The following CAMTA1 variants were observed in gnomAD, a reference collection of about 807,000 sequenced individuals.
CAMTA1 encodes calmodulin-binding transcription activator 1.
CAMTA1 carries 27 observed loss-of-function variants against 170.9 expected under a neutral mutation model. The observed-to-expected ratio is 0.16, with a 90% confidence interval of 0.12 to 0.22. CAMTA1 has a LOEUF of 0.22. Ranked by LOEUF, CAMTA1 falls within the 10% of genes least tolerant of loss-of-function variation. The pLI is 1.00. For missense variants in CAMTA1, 1,619 were observed against 2,217.2 expected, an observed-to-expected ratio of 0.73 and a Z score of 5.42; for synonymous variants, 833 against 891.5, an observed-to-expected ratio of 0.93 and a Z score of 1.17.
At chr1:7,227,589 A>C (rs140181741) in intron 4 of CAMTA1, among the ~76,000 whole-genome samples, 2 of 152,056 alleles carry the variant, frequency 1.3e-5, no homozygotes, top group Admixed American at 6.6e-5. Context: ...TCAGCCTCCC[A>C]AATTGCTGGG....
At chr1:7,124,796 AT>A (rs749335871) in intron 4 of CAMTA1, among the ~76,000 whole-genome samples, 3 of 152,214 alleles carry the variant, frequency 2.0e-5, no homozygotes, top group Non-Finnish European at 2.9e-5. Flanking sequence ...AGCTGAGAAG[AT>A]TTAACGTCGC....
intron 4 of CAMTA1, among the ~76,000 whole-genome samples, chr1:7,204,468 TC>T (rs1041654827): frequency 6.6e-6 from 1 of 152,194 alleles, no homozygotes; most frequent in Non-Finnish European, 1.5e-5. Flanking sequence ...TGTGAGTTTC[TC>T]CCATTGTTTT....
intron 6 of CAMTA1, among the ~76,000 whole-genome samples, chr1:7,594,627 G>A (rs1382321748): frequency 2.0e-5 from 3 of 152,208 alleles, no homozygotes; most frequent in Non-Finnish European, 4.4e-5. Context: ...ACAAGAGAGG[G>A]TGGTGACTGC....
At chr1:7,241,005 T>G (rs1279880218) in intron 4 of CAMTA1, among the ~76,000 whole-genome samples, 1 of 152,110 alleles carries the variant, frequency 6.6e-6, no homozygotes, top group Admixed American at 6.5e-5. Context: ...AAGAAGAAAG[T>G]GGAGTCACAG....
chr1:7,649,552 G>C (rs964273414), intron 7 of CAMTA1, among the ~76,000 whole-genome samples: 1 of 151,222 alleles, frequency 6.6e-6, no homozygotes, highest in African/African-American at 2.4e-5. Flanking sequence ...TGGGCACGGA[G>C]AGGCTGACTT....
In CAMTA1 at chr1:7,333,112, C is replaced by CTTTA. The variant is rs2083134915; in HGVS notation, c.438+83487_438+83490dup. Among the ~76,000 whole-genome samples the CTTTA allele has an allele frequency of 6.6e-6, 1 of 152,212 alleles. No individual in the cohort carries two copies. The highest frequency in any genetic ancestry group is 2.4e-5 in the African/African-American group (1 of 41,456). On this transcript the variant is annotated intron_variant, in intron 5 of 22. Transcript: ENST00000303635. The surrounding 1 kb of genome is among the most constrained non-coding windows in gnomAD (Gnocchi z 4.4). Reference sequence around the variant, plus strand: ...CAGCGGGCATGAGCAACAGAATCCTCTTTAGTCCTAGTGGCAGGTCACCCA... The same window carrying CTTTA: ...CAGCGGGCATGAGCAACAGAATCCTCTTTATTTAGTCCTAGTGGCAGGTCACCCA...
At chr1:6,969,342 G>A (rs113841637) in intron 3 of CAMTA1, among the ~76,000 whole-genome samples, 1,784 of 152,296 alleles carry the variant, frequency 0.012, 23 homozygotes, top group South Asian at 0.036. Context: ...GCTAGAAGGG[G>A]CAAGGAACGC....
At chr1:7,669,700 G>A (rs1334902888) in intron 9 of CAMTA1, among the ~76,000 whole-genome samples, 1 of 152,238 alleles carries the variant, frequency 6.6e-6, no homozygotes, top group Non-Finnish European at 1.5e-5. Flanking sequence ...TGCAGGGAAA[G>A]GTGTTTACTG....
At position 7,245,470 on chromosome 1, in the gene CAMTA1, G is replaced by T. The variant is rs190752049; in HGVS notation, c.303-4021G>T. Among the ~76,000 whole-genome samples the T allele has an allele frequency of 4.0e-3, 600 of 151,556 alleles. 1 individual carries two copies. The highest frequency in any genetic ancestry group is 0.014 in the African/African-American group (583 of 41,276). On this transcript the variant is annotated intron_variant, in intron 4 of 22. Coordinates refer to ENST00000303635, the MANE Select transcript of CAMTA1 (RefSeq NM_015215.4). ...TAGCTTATAGATATTATATATATAC[G>T]ATATCTTTCTTGGCTAGATAATTAA...
At chr1:7,124,408 G>A (rs948975428) in intron 4 of CAMTA1, among the ~76,000 whole-genome samples, 2 of 152,200 alleles carry the variant, frequency 1.3e-5, no homozygotes, top group Admixed American at 6.5e-5. Context: ...TGGATCAAAT[G>A]TTACCTCCTT....
chr1:7,130,766 CTGTT>C (rs1645202177), intron 4 of CAMTA1, among the ~76,000 whole-genome samples: 1 of 152,186 alleles, frequency 6.6e-6, no homozygotes, highest in Non-Finnish European at 1.5e-5. Flanking sequence ...ATCTCTCCAA[CTGTT>C]TGTCTGTTTG....
intron 5 of CAMTA1, among the ~76,000 whole-genome samples, chr1:7,396,876 G>A (rs1047387756): frequency 6.6e-6 from 1 of 152,166 alleles, no homozygotes; most frequent in African/African-American, 2.4e-5. Flanking sequence ...TCTCTTTAAT[G>A]TACTGTTGAA....
chr1:7,690,601 A>G (rs2096299838), intron 11 of CAMTA1, among the ~76,000 whole-genome samples: 1 of 152,102 alleles, frequency 6.6e-6, no homozygotes, highest in Non-Finnish European at 1.5e-5. Flanking sequence ...TCTTTCAGCA[A>G]AACACCTTCT....
At chr1:7,009,897 T>G (rs1478236713) in intron 3 of CAMTA1, among the ~76,000 whole-genome samples, 1 of 152,206 alleles carries the variant, frequency 6.6e-6, no homozygotes, top group Non-Finnish European at 1.5e-5. Flanking sequence ...GCTTGGGCTC[T>G]AGCTTGGTCC....
chr1:7,061,404 G>A (rs1200181093), intron 3 of CAMTA1, among the ~76,000 whole-genome samples: 1 of 152,240 alleles, frequency 6.6e-6, no homozygotes, highest in African/African-American at 2.4e-5. Flanking sequence ...TGTCACCCGA[G>A]CTTCCAGTGC....
chr1:6,892,685 T>C (rs1203745579), intron 3 of CAMTA1, among the ~76,000 whole-genome samples: 1 of 151,708 alleles, frequency 6.6e-6, no homozygotes, highest in African/African-American at 2.4e-5. Context: ...AATCAAATTT[T>C]GTCCTCTTTT....
intron 5 of CAMTA1, among the ~76,000 whole-genome samples, chr1:7,444,788 T>TC (rs1307362136): frequency 3.9e-5 from 6 of 152,170 alleles, no homozygotes; most frequent in Non-Finnish European, 5.9e-5. Context: ...AATGGGGGTT[T>TC]CCCCCAACCC....
chr1:7,724,020 T>C (rs369346996), intron 11 of CAMTA1, among the ~76,000 whole-genome samples: 1 of 152,182 alleles, frequency 6.6e-6, no homozygotes, highest in African/African-American at 2.4e-5. Context: ...GGTTTCACCA[T>C]GTTGGCCAGG....
intron 3 of CAMTA1, among the ~76,000 whole-genome samples, chr1:7,034,834 C>G (rs1370398942): frequency 6.6e-6 from 1 of 152,168 alleles, no homozygotes; most frequent in East Asian, 1.9e-4. Flanking sequence ...GAGAGGACCT[C>G]TAGTCCTTCT....
Sources: gnomAD v4.1 joint callset for allele counts (sites outside exome capture counted in the v4.1 genomes callset) on GRCh38, gnomAD v4.1.1 for gene constraint, Gnocchi (gnomAD v3.1) non-coding constraint, MANE v1.5 for transcripts, NCBI Gene and HGNC (gene_info 2026-07-23, HGNC 2026-07-21) for gene names.